PRDM4: variants seen among roughly 807,000 people sequenced by gnomAD.
The protein encoded by PRDM4 is PR/SET domain 4.
Under a neutral mutation model 62.3 loss-of-function variants are expected in PRDM4, and 38 were observed. That is an observed-to-expected ratio of 0.61 (90% confidence interval 0.47 to 0.80). PRDM4 has a LOEUF of 0.80. Ranked by LOEUF, PRDM4 falls within the 30% of genes least tolerant of loss-of-function variation. The pLI is 0.00. For synonymous variants in PRDM4, 339 were observed against 348.2 expected (o/e 0.97, Z 0.30); for missense variants, 858 against 997.1 (o/e 0.86, Z 1.88).
chr12:107,734,206 CCTTTT>C lies in PRDM4; in HGVS notation c.2405_*3del, dbSNP rs759653387. 20 of 1,572,168 alleles carry C rather than the reference CCTTTT, an allele frequency of 1.3e-5. No homozygotes were observed. Among genetic ancestry groups the C allele is most frequent in the Middle Eastern group, 3.4e-4 (2 of 5,846 alleles). On this transcript the variant is annotated stop_retained_variant and 3_prime_UTR_variant, in exon 12 of 12. Transcript: ENST00000228437. ...TCATCCAAAATTGCTTGTTTCTTTT[CCTTTT>C]ATTTATGTGCAGAAAGAGACTCATC...
In PRDM4 at chr12:107,740,378, T is replaced by C. The variant is rs148330970; in HGVS notation, c.1924+568A>G. Among the ~76,000 whole-genome samples, 671 of 152,218 alleles carry C rather than the reference T, an allele frequency of 4.4e-3. 6 individuals carry two copies. The highest frequency in any genetic ancestry group is 0.016 in the African/African-American group (646 of 41,532). On this transcript the variant is annotated intron_variant, in intron 10 of 11. Transcript: ENST00000228437. The stretch of plus-strand genomic sequence containing the variant: ...GGCGCATGTCTGCAGTCCATGCTAC[T>C]CAGGAGGCTGAGGTGGGAGGATCAC...
At chr12:107,758,871 G>A in intron 2 of PRDM4, among the ~76,000 whole-genome samples, 1 of 152,158 alleles carries the variant, frequency 6.6e-6, no homozygotes, top group East Asian at 1.9e-4. Context: ...ATCGGATGGA[G>A]CTATGCAAAC....
chr12:107,759,969 A>G (rs1891183214), intron 2 of PRDM4: 1 of 152,332 alleles, frequency 6.6e-6, no homozygotes. Context: ...ACTGAAATGC[A>G]GCCACTTTGA....
chr12:107,741,455 A>C (rs564010208), intron 9 of PRDM4, among the ~76,000 whole-genome samples, 195 bp from the exon 10 acceptor site: 1 of 152,264 alleles, frequency 6.6e-6, no homozygotes, highest in East Asian at 1.9e-4. Flanking sequence ...CAGGCCTGCA[A>C]TCTTAGTGCT....
At chr12:107,734,791 T>C (rs1480700699) in intron 11 of PRDM4, among the ~76,000 whole-genome samples, 1 of 152,234 alleles carries the variant, frequency 6.6e-6, no homozygotes, top group Non-Finnish European at 1.5e-5. Context: ...TCTCTCAGTA[T>C]GATGCTCATA....
chr12:107,747,914 C>T (rs1041766680), intron 5 of PRDM4, among the ~76,000 whole-genome samples: 6 of 152,266 alleles, frequency 3.9e-5, no homozygotes, highest in African/African-American at 7.2e-5. Context: ...CCACGTCTGG[C>T]TGATTTTTTA....
intron 2 of PRDM4, 28 bp downstream of exon 2, chr12:107,760,477 C>A: frequency 1.9e-6 from 3 of 1,613,094 alleles, no homozygotes; most frequent in Non-Finnish European, 2.5e-6. Flanking sequence ...ACGATGTCAC[C>A]AGTGCTGAAG....
intron 7 of PRDM4, among the ~76,000 whole-genome samples, chr12:107,744,045 T>C (rs963062191): frequency 1.3e-5 from 2 of 150,916 alleles, no homozygotes; most frequent in Non-Finnish European, 2.9e-5. Flanking sequence ...GCCCAGGAGG[T>C]AGAGGTGGCA....
intron 6 of PRDM4, among the ~76,000 whole-genome samples, chr12:107,746,067 A>T (rs1215209785): frequency 6.6e-6 from 1 of 152,238 alleles, no homozygotes; most frequent in Non-Finnish European, 1.5e-5. Context: ...ACTGATTCTA[A>T]CAAAGGAGAG....
At chr12:107,747,465 G>A (rs1341770155) in intron 5 of PRDM4, among the ~76,000 whole-genome samples, 2 of 152,124 alleles carry the variant, frequency 1.3e-5, no homozygotes, top group African/African-American at 4.8e-5. Flanking sequence ...AAAACAATTT[G>A]CAGCCTGCTC....
Position 107,748,295 on chromosome 12 carries a change from G to C in PRDM4, c.1127-1871C>G, listed in dbSNP as rs1004370252. 5.3e-5 allele frequency among the ~76,000 whole-genome samples: 8 copies of C among 152,310 alleles called. No individual in the cohort carries two copies. The South Asian group carries it at 1.7e-3, about 32-fold the overall frequency. ...ACGGTAACATGGCACAGCCACTTTG[G>C]AAAGCAGTTCCTCAAAAAGTTAAAC... On this transcript the variant is annotated intron_variant, in intron 5 of 11. Transcript: ENST00000228437.
rs1890253257 is a variant in PRDM4, at chr12:107,734,192, T to C, written c.*18A>G. ...TTCCATTTGCATTTTCATCCAAAAT[T>C]GCTTGTTTCTTTTCCTTTTATTTAT... is the stretch of plus-strand genomic sequence containing the variant. On this transcript the variant is annotated 3_prime_UTR_variant, in exon 12 of 12. Transcript: ENST00000228437. The C allele has an allele frequency of 1.9e-6, 3 of 1,564,978 alleles. No homozygotes were observed. In the East Asian group the frequency reaches 6.8e-5, roughly 35 times the overall value.
chr12:107,749,712 T>A (rs748386950), intron 5 of PRDM4, among the ~76,000 whole-genome samples: 11 of 152,150 alleles, frequency 7.2e-5, no homozygotes, highest in Admixed American at 6.6e-5. Flanking sequence ...ATCATCACCT[T>A]TCCCATAAAT....
intron 10 of PRDM4, 181 bp from the exon 11 acceptor site, chr12:107,739,732 T>G: frequency 2.0e-6 from 1 of 497,016 alleles, no homozygotes; most frequent in Non-Finnish European, 3.5e-6. Context: ...GTTTATATTC[T>G]GCAACTAAAG....
At chr12:107,739,102 A>T (rs987948589) in intron 11 of PRDM4, 2 of 310,974 alleles carry the variant, frequency 6.4e-6, no homozygotes. Context: ...AACCACTTGC[A>T]GTCAATAGTC....
At chr12:107,753,021 T>C (rs141292320) in intron 4 of PRDM4, among the ~76,000 whole-genome samples, 2 of 152,038 alleles carry the variant, frequency 1.3e-5, no homozygotes, top group African/African-American at 2.4e-5. Flanking sequence ...AAAATACCCA[T>C]GTAACAGCAG....
At chr12:107,757,854 T>C (rs1430575156) in intron 2 of PRDM4, among the ~76,000 whole-genome samples, 1 of 152,238 alleles carries the variant, frequency 6.6e-6, no homozygotes, top group Non-Finnish European at 1.5e-5. Context: ...AGAGTAATAC[T>C]GATTTGAATA....
intron 5 of PRDM4, among the ~76,000 whole-genome samples, chr12:107,749,984 A>G (rs934297085): frequency 2.6e-5 from 4 of 152,006 alleles, no homozygotes; most frequent in African/African-American, 9.7e-5. Flanking sequence ...AACTGCCCAC[A>G]TCTTTCTTGT....
At chr12:107,754,221 A>C in intron 3 of PRDM4, 112 bp from the exon 4 acceptor site, 5 of 755,648 alleles carry the variant, frequency 6.6e-6, no homozygotes, top group Non-Finnish European at 1.1e-5. Flanking sequence ...CAAAAATCTC[A>C]CCTACTAGCC....
Sources: gnomAD v4.1 joint callset for allele counts (sites outside exome capture counted in the v4.1 genomes callset) on GRCh38, gnomAD v4.1.1 for gene constraint, MANE v1.5 for transcripts, NCBI Gene and HGNC (gene_info 2026-07-23, HGNC 2026-07-21) for gene names.